The following WHRN variants were observed in gnomAD, a reference collection of about 807,000 sequenced individuals.
WHRN encodes CASK-interacting protein CIP98.
Under a neutral mutation model 68.3 loss-of-function variants are expected in WHRN, and 41 were observed. The observed-to-expected ratio is 0.60, with a 90% CI of 0.47 to 0.78. WHRN has a LOEUF of 0.78. Among genes scored for constraint, WHRN ranks in the 30% least tolerant of loss-of-function variants. The pLI, the probability that WHRN is intolerant of heterozygous loss-of-function variation, is 0.00. For synonymous variants in WHRN, 560 were observed against 561.3 expected, an observed-to-expected ratio of 1.00 and a Z score of 0.03; for missense variants, 1,243 against 1,244.7, an observed-to-expected ratio of 1.00 and a Z score of 0.02.
chr9:114,449,763 T>C (rs1839157606), intron 3 of WHRN, among the ~76,000 whole-genome samples: 1 of 152,150 alleles, frequency 6.6e-6, no homozygotes, highest in African/African-American at 2.4e-5. Flanking sequence ...TCATCAGCTA[T>C]CTGAGCATCG....
At chr9:114,412,465 C>A (rs1835516063) in intron 7 of WHRN, among the ~76,000 whole-genome samples, 1 of 152,166 alleles carries the variant, frequency 6.6e-6, no homozygotes, top group African/African-American at 2.4e-5. Flanking sequence ...GACCCTTCAC[C>A]CACTCTACAG....
At chr9:114,446,962 C>G (rs1838877413) in intron 3 of WHRN, among the ~76,000 whole-genome samples, 2 of 151,816 alleles carry the variant, frequency 1.3e-5, no homozygotes, top group Non-Finnish European at 2.9e-5. Flanking sequence ...GCCTGTCCGT[C>G]CCTGACCCCC....
At chr9:114,463,501 A>C (rs2132910502) in intron 3 of WHRN, among the ~76,000 whole-genome samples, 1 of 152,324 alleles carries the variant, frequency 6.6e-6, no homozygotes. Flanking sequence ...GGATCCTGGA[A>C]CAGAAAAAAG....
chr9:114,477,808 T>C (rs1841773537), intron 2 of WHRN, among the ~76,000 whole-genome samples: 1 of 152,198 alleles, frequency 6.6e-6, no homozygotes, highest in African/African-American at 2.4e-5. Flanking sequence ...ATGCCCAAGA[T>C]TCACACTGCA....
At chr9:114,413,776 CA>C in intron 7 of WHRN, among the ~76,000 whole-genome samples, 1 of 152,306 alleles carries the variant, frequency 6.6e-6, no homozygotes, top group African/African-American at 2.4e-5. Flanking sequence ...ACCACCAAAT[CA>C]CAACATTAGG....
At chr9:114,461,334 G>A (rs539584435) in intron 3 of WHRN, among the ~76,000 whole-genome samples, 3 of 152,204 alleles carry the variant, frequency 2.0e-5, no homozygotes, top group South Asian at 4.1e-4. Context: ...GTGTGTGTCC[G>A]GCATAGATGT....
At chr9:114,448,318 C>T (rs531769747) in intron 3 of WHRN, among the ~76,000 whole-genome samples, 13 of 152,250 alleles carry the variant, frequency 8.5e-5, no homozygotes, top group South Asian at 2.1e-4. Flanking sequence ...CGAAGACCAC[C>T]AGGAACCAGC....
chr9:114,436,929 A>G (rs1400652429), intron 3 of WHRN, among the ~76,000 whole-genome samples: 2 of 152,078 alleles, frequency 1.3e-5, no homozygotes, highest in Non-Finnish European at 2.9e-5. Flanking sequence ...CTATTTAAAA[A>G]TAAAAACAAT....
Position 114,424,372 on chromosome 9 carries a change from C to T in WHRN, c.1378G>A (p.Val460Ile), listed in dbSNP as rs373389359. ...RGGSVSVEALVMALFKLLNTH... is the reference protein window; with the variant it reads ...RGGSVSVEALIMALFKLLNTH... ...TTGAGCAGCTTGAACAGGGCCATGA[C>T]GAGGGCCTCCACAGAGACGCTGCCA... Residue 460 changes from valine to isoleucine, a missense_variant, in exon 6 of 12, where the codon GTC becomes ATC. Transcript: ENST00000362057. 9 of 1,612,268 alleles carry T rather than the reference C, an allele frequency of 5.6e-6. No individual in the cohort carries two copies. Among genetic ancestry groups the T allele is most frequent in the Admixed American group, 1.7e-5 (1 of 60,008 alleles).
intron 2 of WHRN, among the ~76,000 whole-genome samples, chr9:114,472,633 G>C (rs1001915568): frequency 6.6e-6 from 1 of 152,066 alleles, no homozygotes; most frequent in Non-Finnish European, 1.5e-5. Flanking sequence ...CAACACACTA[G>C]AGCGTCAGCC....
At chr9:114,442,074 A>C (rs949518339) in intron 3 of WHRN, among the ~76,000 whole-genome samples, 2 of 152,230 alleles carry the variant, frequency 1.3e-5, no homozygotes, top group African/African-American at 4.8e-5. Context: ...CCAAATAGAG[A>C]AACATTCTAC....
At chr9:114,450,202 T>G (rs1194063784) in intron 3 of WHRN, among the ~76,000 whole-genome samples, 1 of 152,184 alleles carries the variant, frequency 6.6e-6, no homozygotes, top group Non-Finnish European at 1.5e-5. Flanking sequence ...AAGGAAATTG[T>G]CATCCTACCT....
At chr9:114,481,269 A>G (rs1331250214) in intron 1 of WHRN, among the ~76,000 whole-genome samples, 2 of 152,242 alleles carry the variant, frequency 1.3e-5, no homozygotes, top group African/African-American at 2.4e-5. Flanking sequence ...CAGGCCCTCA[A>G]TTCTACAGCT....
At chr9:114,495,436 A>G (rs1413179256) in intron 1 of WHRN, among the ~76,000 whole-genome samples, 2 of 152,194 alleles carry the variant, frequency 1.3e-5, no homozygotes, top group Non-Finnish European at 2.9e-5. Flanking sequence ...TAAAGCCTGG[A>G]GAGTCCAGCC....
intron 3 of WHRN, among the ~76,000 whole-genome samples, chr9:114,433,465 C>A (rs781080063): frequency 6.6e-6 from 1 of 152,236 alleles, no homozygotes; most frequent in East Asian, 1.9e-4. Context: ...ATGGATCTTG[C>A]GGCTTCAAGG....
At chr9:114,423,210 TAAGTG>T in intron 7 of WHRN, 99 bp downstream of exon 7, 2 of 1,193,856 alleles carry the variant, frequency 1.7e-6, no homozygotes, top group Admixed American at 3.4e-5. Flanking sequence ...ACACAGCTGG[TAAGTG>T]GTGGTGCTGG....
intron 2 of WHRN, among the ~76,000 whole-genome samples, chr9:114,475,613 G>A (rs944861849): frequency 2.0e-5 from 3 of 152,148 alleles, no homozygotes; most frequent in Non-Finnish European, 2.9e-5. Context: ...CTTCCTGAGA[G>A]GTATACTTCC....
chr9:114,419,335 C>T (rs1836072825), intron 7 of WHRN, among the ~76,000 whole-genome samples: 1 of 152,324 alleles, frequency 6.6e-6, no homozygotes, highest in Non-Finnish European at 1.5e-5. Context: ...TCATAGAGAA[C>T]ATTCAACAAA....
chr9:114,478,487 C>T (rs1489210548), intron 2 of WHRN, 66 bp downstream of exon 2: 32 of 1,570,980 alleles, frequency 2.0e-5, no homozygotes, highest in Middle Eastern at 1.7e-4. Flanking sequence ...AGCAGCTCTG[C>T]TGTTCTGGGT....
Sources: allele counts gnomAD v4.1 joint callset (sites outside exome capture counted in the v4.1 genomes callset), GRCh38; gene constraint gnomAD v4.1.1; transcripts MANE v1.5; gene names NCBI Gene and HGNC (gene_info 2026-07-23, HGNC 2026-07-21).